The following MME variants were observed in gnomAD, a reference collection of about 807,000 sequenced individuals.
MME encodes the protein neprilysin.
MME carries 98 observed loss-of-function variants against 113.2 expected under a neutral mutation model. That is an observed-to-expected ratio of 0.87 (90% CI 0.74 to 1.02). The LOEUF is 1.02. Among genes scored for constraint, MME ranks in the 50% least tolerant of loss-of-function variants. The pLI, the probability that MME is intolerant of heterozygous loss-of-function variation, is 0.00. For missense variants in MME, 836 were observed against 896.0 expected (o/e 0.93, Z 0.86); for synonymous variants, 292 against 300.6 (o/e 0.97, Z 0.30).
chr3:155,089,221 T>A (rs2108184573), intron 3 of MME, among the ~76,000 whole-genome samples: 1 of 152,298 alleles, frequency 6.6e-6, no homozygotes, highest in African/African-American at 2.4e-5. Flanking sequence ...TATTCATCGC[T>A]TATTTACCCT....
chr3:155,046,360 G>A (rs564155858), intron 1 of MME, among the ~76,000 whole-genome samples: 5 of 152,260 alleles, frequency 3.3e-5, no homozygotes, highest in East Asian at 1.9e-4. Context: ...TTGCATATAT[G>A]AGGGTGGCCC....
chr3:155,133,663 CATATATAT>C (rs61223926), intron 8 of MME, among the ~76,000 whole-genome samples: 51,343 of 136,562 alleles, frequency 0.38, 10,099 homozygotes, highest in South Asian at 0.56. Flanking sequence ...ATACACACAC[CATATATAT>C]ATATATATAT....
chr3:155,085,010 T>G (rs763629171), intron 2 of MME, 49 bp from the exon 3 acceptor site: 19 of 1,338,294 alleles, frequency 1.4e-5, no homozygotes, highest in Non-Finnish European at 2.0e-5. Flanking sequence ...AAATAGAAAT[T>G]TAAAAATTTG....
In MME at chr3:155,183,381, A is replaced by G. The variant is rs532203453; in HGVS notation, c.*2922A>G. On this transcript the variant is annotated 3_prime_UTR_variant, in exon 23 of 23. Coordinates refer to ENST00000360490, the MANE Select transcript of MME (RefSeq NM_007289.4). Reference sequence around the variant, plus strand: ...CCATGAATCTGTCTCCCAGTTATGAATCAGTGGGCAGGATAAACTGAAAAC... The same window carrying G: ...CCATGAATCTGTCTCCCAGTTATGAGTCAGTGGGCAGGATAAACTGAAAAC... The G allele has an allele frequency of 6.6e-6, 1 of 152,324 alleles. No individual in the cohort carries two copies. Among genetic ancestry groups the G allele is most frequent in the East Asian group, 1.9e-4 (1 of 5,174 alleles). The allele number at this position is 152,324 out of a possible 1,614,324, so 9.4% of individuals were successfully genotyped here. A position where few individuals can be genotyped will look rare whatever the true frequency, so the allele number is the denominator to read the frequency against.
In MME at chr3:155,088,421, C is replaced by T. The variant is rs147151231; in HGVS notation, c.196+3327C>T. Among the ~76,000 whole-genome samples the T allele has an allele frequency of 3.8e-3, 582 of 152,192 alleles. 2 individuals are homozygous for T. The highest frequency in any genetic ancestry group is 0.012 in the African/African-American group (508 of 41,534). On this transcript the variant is annotated intron_variant, in intron 3 of 22. Transcript: ENST00000360490. ...AGAGAAGGCTGGGCACGGTGGCTCA[C>T]GCCTGTAATCCCAGCACTTTGGGAG...
At chr3:155,130,571 A>G (rs1221726356) in intron 8 of MME, among the ~76,000 whole-genome samples, 15 of 152,196 alleles carry the variant, frequency 9.9e-5, no homozygotes, top group Admixed American at 9.8e-4. Context: ...CATGGGCACA[A>G]TGGACTGAAG....
intron 3 of MME, among the ~76,000 whole-genome samples, chr3:155,113,059 G>A (rs1241243920): frequency 6.6e-6 from 1 of 152,174 alleles, no homozygotes; most frequent in East Asian, 1.9e-4. Context: ...TGAGCTGAAT[G>A]TTGAATGATG....
intron 20 of MME, among the ~76,000 whole-genome samples, chr3:155,171,276 C>A (rs1390600453): frequency 1.3e-5 from 2 of 152,140 alleles, no homozygotes. Context: ...TAAGAGGGAG[C>A]AGGTGCAAGC....
chr3:155,141,019 C>T (rs1029065831), intron 10 of MME, among the ~76,000 whole-genome samples: 3 of 152,160 alleles, frequency 2.0e-5, no homozygotes, highest in Non-Finnish European at 4.4e-5. Flanking sequence ...TTTTTCCTTA[C>T]CTAGTATCCA....
intron 12 of MME, among the ~76,000 whole-genome samples, chr3:155,143,230 G>A (rs1721252492): frequency 6.6e-6 from 1 of 152,044 alleles, no homozygotes; most frequent in Non-Finnish European, 1.5e-5. Context: ...GTTCTACTGG[G>A]GCATCTACTG....
intron 20 of MME, among the ~76,000 whole-genome samples, chr3:155,169,468 C>T (rs1163014423): frequency 6.6e-6 from 1 of 152,050 alleles, no homozygotes; most frequent in African/African-American, 2.4e-5. Context: ...GCAATGAATG[C>T]TTTATGAAAG....
chr3:155,162,383 C>T (rs901628532), intron 17 of MME, among the ~76,000 whole-genome samples: 2 of 151,984 alleles, frequency 1.3e-5, no homozygotes, highest in Non-Finnish European at 2.9e-5. Context: ...AAGAAGCACA[C>T]AGAAAAAGGA....
intron 1 of MME, among the ~76,000 whole-genome samples, chr3:155,030,213 G>A (rs539163177): frequency 1.3e-5 from 2 of 152,254 alleles, no homozygotes; most frequent in East Asian, 1.9e-4. Flanking sequence ...TAAACTTTAA[G>A]CCAATGTCTT....
chr3:155,099,153 A>T (rs1015721451), intron 3 of MME, among the ~76,000 whole-genome samples: 1 of 152,170 alleles, frequency 6.6e-6, no homozygotes, highest in Non-Finnish European at 1.5e-5. Flanking sequence ...TATTTTCAGT[A>T]CACGTGTTGT....
intron 16 of MME, among the ~76,000 whole-genome samples, chr3:155,154,785 C>T (rs1226347905): frequency 6.6e-6 from 1 of 152,060 alleles, no homozygotes; most frequent in African/African-American, 2.4e-5. Flanking sequence ...GATGGCCCAG[C>T]AGTGGAAAGT....
At chr3:155,129,514 G>T (rs1719965294) in intron 8 of MME, among the ~76,000 whole-genome samples, 1 of 151,566 alleles carries the variant, frequency 6.6e-6, no homozygotes, top group Non-Finnish European at 1.5e-5. Context: ...TGGAATTTTT[G>T]TATTGTAATA....
At chr3:155,118,552 A>T (rs1207538145) in intron 7 of MME, among the ~76,000 whole-genome samples, 194 bp from the exon 8 acceptor site, 1 of 152,190 alleles carries the variant, frequency 6.6e-6, no homozygotes, top group Non-Finnish European at 1.5e-5. Context: ...CAGATTATCT[A>T]ACTGCCCGTT....
In MME at chr3:155,164,634, C is replaced by T. The variant is rs73012347; in HGVS notation, c.1661-2268C>T. On this transcript the variant is annotated intron_variant, in intron 17 of 22. Coordinates refer to ENST00000360490, the MANE Select transcript of MME (RefSeq NM_007289.4). ...TAGTTAATATTTAGTCTTGATAGCA[C>T]ATTTCATAACAGCATTTTATATAAT... Among the ~76,000 whole-genome samples the T allele has an allele frequency of 1.0e-3, 156 of 152,248 alleles. 1 individual carries two copies. The highest frequency in any genetic ancestry group is 3.7e-3 in the African/African-American group (153 of 41,558).
intron 3 of MME, among the ~76,000 whole-genome samples, chr3:155,092,914 G>A (rs1416087159): frequency 6.6e-6 from 1 of 152,080 alleles, no homozygotes; most frequent in African/African-American, 2.4e-5. Context: ...TTCTAAAATT[G>A]GACTGTGACA....
Sources: gnomAD v4.1 joint callset for allele counts (sites outside exome capture counted in the v4.1 genomes callset) on GRCh38, gnomAD v4.1.1 for gene constraint, MANE v1.5 for transcripts, NCBI Gene and HGNC (gene_info 2026-07-23, HGNC 2026-07-21) for gene names.